The following TFAP4 variants were observed in gnomAD, a reference collection of about 807,000 sequenced individuals.
TFAP4 encodes transcription factor AP-4, also known as activating enhancer-binding protein 4.
TFAP4 carries 7 observed loss-of-function variants against 40.4 expected under a neutral mutation model. The ratio of observed to expected loss-of-function variants is 0.17; its 90% CI spans 0.10 to 0.33. The LOEUF is 0.33. Among genes scored for constraint, TFAP4 ranks in the 10% least tolerant of loss-of-function variants. The pLI is 1.00. For synonymous variants in TFAP4, 218 were observed against 181.4 expected (o/e 1.20, Z -1.62); for missense variants, 374 against 451.1 (o/e 0.83, Z 1.55).
chr16:4,271,092 C>T (rs888918765), intron 1 of TFAP4, among the ~76,000 whole-genome samples: 2 of 152,278 alleles, frequency 1.3e-5, no homozygotes, highest in East Asian at 1.9e-4. Context: ...AGGTGGGCCT[C>T]GTGCAAGGGC....
rs1397848993 is a variant in TFAP4 at position 4,268,498 on chromosome 16, T to C, written c.89+4160A>G. 2.0e-5 allele frequency among the ~76,000 whole-genome samples: 3 copies of C among 152,304 alleles called. No individual in the cohort carries two copies. The East Asian group carries it at 5.8e-4, about 29-fold the overall frequency. The stretch of plus-strand genomic sequence containing the variant: ...CGGCAGAATGTTGTTGCTTCATAAA[T>C]AAATCAGGGACCCAATAAACACTCC... On this transcript the variant is annotated intron_variant, in intron 1 of 6. Transcript: ENST00000204517.
At position 4,259,266 on chromosome 16, in the gene TFAP4, T is replaced by C. The variant is rs552299525; in HGVS notation, c.822+824A>G. 3.9e-5 allele frequency among the ~76,000 whole-genome samples: 6 copies of C among 151,950 alleles called. No homozygotes were observed. The East Asian group carries it at 9.9e-4, about 25-fold the overall frequency. ...CTCCTGCCTCAGCCTCCCGAATAGC[T>C]GGGATTACAGGCGTGCACCACCACG... On this transcript the variant is annotated intron_variant, in intron 6 of 6. Coordinates refer to ENST00000204517, the MANE Select transcript of TFAP4 (RefSeq NM_003223.3).
Position 4,272,722 on chromosome 16 carries a change from G to C in TFAP4, c.25C>G (p.Gln9Glu). ...AAATGTTGCAAAGAGGGCACCTTCT[G>C]AGTGGGCACCATGAAATACTCCATA... MEYFMVPTQKVPSLQHFRK... is the reference protein window; with the variant it reads MEYFMVPTEKVPSLQHFRK... The change falls in exon 1 of 7, where the codon CAG becomes GAG. Residue 9 changes from glutamine to glutamate, a missense_variant. Coordinates refer to ENST00000204517, the MANE Select transcript of TFAP4 (RefSeq NM_003223.3). 3 of 1,613,574 alleles carry C rather than the reference G, an allele frequency of 1.9e-6. No individual in the cohort carries two copies. Among genetic ancestry groups the C allele is most frequent in the Non-Finnish European group, 2.5e-6 (3 of 1,179,628 alleles).
At chr16:4,262,207 G>T in intron 3 of TFAP4, 117 bp downstream of exon 3, 1 of 1,242,842 alleles carries the variant, frequency 8.0e-7, no homozygotes. Context: ...AAAAGTGCCT[G>T]GAAGTACTTG....
At chr16:4,262,452 C>T (rs929881165) in intron 2 of TFAP4, 30 bp from the exon 3 acceptor site, 1 of 1,613,984 alleles carries the variant, frequency 6.2e-7, no homozygotes, top group Non-Finnish European at 8.5e-7. Context: ...GAGAGTCAGG[C>T]TGGCAGTGTT....
chr16:4,265,160 G>A (rs1567201929), intron 1 of TFAP4: 1 of 152,168 alleles, frequency 6.6e-6, no homozygotes, highest in Non-Finnish European at 1.5e-5. Flanking sequence ...AGACTCCCAT[G>A]TAAAGAGGGG....
intron 3 of TFAP4, 37 bp from the exon 4 acceptor site, chr16:4,261,986 C>T: frequency 2.6e-6 from 4 of 1,559,974 alleles, no homozygotes; most frequent in Non-Finnish European, 3.5e-6. Context: ...GTGCCTGACA[C>T]CTCGGTACCA....
intron 1 of TFAP4, 183 bp from the exon 2 acceptor site, chr16:4,262,884 T>C: frequency 3.0e-6 from 2 of 665,426 alleles, no homozygotes; most frequent in Non-Finnish European, 5.1e-6. Context: ...GCGGGTAAGA[T>C]AGTCCGCTCA....
rs755385285 is a variant in TFAP4 at position 4,258,050 on chromosome 16, G to C, written c.*5C>G. ...CCAGAAGGGAGAGGAGGGCTGGGGGGGTAGTCAGGGAAGCTCCCCGTCCCC... is the reference window on the plus strand; with the variant it reads ...CCAGAAGGGAGAGGAGGGCTGGGGGCGTAGTCAGGGAAGCTCCCCGTCCCC... On this transcript the variant is annotated 3_prime_UTR_variant, in exon 7 of 7. Coordinates refer to ENST00000204517, the MANE Select transcript of TFAP4 (RefSeq NM_003223.3). 13 of 1,609,016 alleles carry C rather than the reference G, an allele frequency of 8.1e-6. No homozygotes were observed. The highest frequency in any genetic ancestry group is 1.3e-5 in the African/African-American group (1 of 74,836).
intron 3 of TFAP4, 57 bp from the exon 4 acceptor site, chr16:4,262,006 T>G: frequency 6.6e-7 from 1 of 1,512,938 alleles, no homozygotes; most frequent in African/African-American, 1.4e-5. Flanking sequence ...ACCACGGAGA[T>G]TGGGGTTCCA....
At chr16:4,269,242 C>T (rs939013710) in intron 1 of TFAP4, among the ~76,000 whole-genome samples, 5 of 151,164 alleles carry the variant, frequency 3.3e-5, no homozygotes, top group African/African-American at 1.2e-4. Flanking sequence ...GCCTGTAATC[C>T]CAACACTTTG....
chr16:4,261,797 G>C lies in TFAP4; in HGVS notation c.507C>G (p.Arg169=), dbSNP rs770947593. The part of the protein sequence containing the change: ...RQQLDKERSV[R]MMLEEQVRSL... ...GCCTCACCTGCTCCTCCAGCATCAT[G>C]CGCACCGAGCGCTCCTTGTCCAGCT... The change falls in exon 4 of 7, where the codon CGC becomes CGG. Residue 169 remains arginine, a synonymous_variant. Transcript: ENST00000204517. 6.2e-7 allele frequency: 1 copy of C among 1,609,262 alleles called. No homozygotes were observed. Among genetic ancestry groups the C allele is most frequent in the Non-Finnish European group, 8.5e-7 (1 of 1,178,052 alleles).
chr16:4,272,724 G>A lies in TFAP4; in HGVS notation c.23C>T (p.Thr8Ile). The A allele has an allele frequency of 6.2e-7, 1 of 1,613,570 alleles. No homozygotes were observed. Among genetic ancestry groups the A allele is most frequent in the Non-Finnish European group, 8.5e-7 (1 of 1,179,628 alleles). Reference sequence around the variant, plus strand: ...ATGTTGCAAAGAGGGCACCTTCTGAGTGGGCACCATGAAATACTCCATAGC... The same window carrying A: ...ATGTTGCAAAGAGGGCACCTTCTGAATGGGCACCATGAAATACTCCATAGC... The part of the protein sequence containing the change: MEYFMVP[T>I]QKVPSLQHFR... The change falls in exon 1 of 7, where the codon ACT (threonine) becomes ATT (isoleucine). Residue 8 changes from threonine (T) to isoleucine (I), a missense_variant. Coordinates refer to ENST00000204517, the MANE Select transcript of TFAP4 (RefSeq NM_003223.3).
chr16:4,272,947 CGTGTGTATGTGTGT>C lies in TFAP4; in HGVS notation c.-215_-202del, dbSNP rs1180370003. Reference sequence around the variant, plus strand: ...GGTCTCTCCGGCCTGCCTCCCCGGGCGTGTGTATGTGTGTGTGTGTGTGTGTGTGTGTGTGTGTG... The same window carrying C: ...GGTCTCTCCGGCCTGCCTCCCCGGGCGTGTGTGTGTGTGTGTGTGTGTGTG... On this transcript the variant is annotated 5_prime_UTR_variant, in exon 1 of 7. Coordinates refer to ENST00000204517, the MANE Select transcript of TFAP4 (RefSeq NM_003223.3). 2.2e-6 allele frequency: 1 copy of C among 458,522 alleles called. No homozygotes were observed. Among genetic ancestry groups the C allele is most frequent in the Non-Finnish European group, 3.9e-6 (1 of 253,636 alleles). The allele number at this position is 458,522 out of a possible 1,614,324, so 28.4% of individuals were successfully genotyped here.
At chr16:4,272,138 C>G (rs1031358379) in intron 1 of TFAP4, among the ~76,000 whole-genome samples, 2 of 151,442 alleles carry the variant, frequency 1.3e-5, no homozygotes, top group Admixed American at 6.6e-5. Flanking sequence ...GCTGCAGCCC[C>G]GCTCTGCAAA....
chr16:4,260,170 T>A lies in TFAP4; in HGVS notation c.742A>T (p.Ile248Phe). Residue 248 changes from isoleucine to phenylalanine, a missense_variant, in exon 6 of 7, where the codon ATC becomes TTC. Physicochemically the swap from Ile to Phe is conservative, Grantham distance 21. Transcript: ENST00000204517. ...GAGGGGCCCATGGTGACGACATTGA[T>A]GTGGTGGGAGGGAGGAGGAGGCGGT... ...PAPPPPPSHH[I>F]NVVTMGPSSV... The A allele has an allele frequency of 2.1e-6, 3 of 1,402,772 alleles. No individual in the cohort carries two copies. The highest frequency in any genetic ancestry group is 2.8e-6 in the Non-Finnish European group (3 of 1,059,454). The allele number at this position is 1,402,772 out of a possible 1,614,324, so 86.9% of individuals were successfully genotyped here.
rs1298053896 is a variant in TFAP4, at chr16:4,262,649, T to C, written c.142A>G (p.Ile48Val). The C allele has an allele frequency of 6.2e-7, 1 of 1,611,382 alleles. No individual in the cohort carries two copies. Among genetic ancestry groups the C allele is most frequent in the African/African-American group, 1.3e-5 (1 of 74,954 alleles). The change falls in exon 2 of 7, where the codon ATT becomes GTT. Residue 48 changes from isoleucine to valine, a missense_variant. Physicochemically the swap from Ile to Val is conservative, Grantham distance 29. This residue lies in a region of TFAP4 where 51 missense variants were observed against 59.3 expected (regional missense o/e 0.86). Coordinates refer to ENST00000204517, the MANE Select transcript of TFAP4 (RefSeq NM_003223.3). The part of the protein sequence containing the change: ...PETQRDQERR[I>V]RREIANSNER... ...TTGCTGTTGGCGATCTCCCGCCGAA[T>C]CCGCCGCTCCTGGTCCCGCTGAGTC...
At position 4,261,807 on chromosome 16, in the gene TFAP4, C is replaced by T; in HGVS notation, c.497G>A (p.Arg166His). Residue 166 changes from arginine (R) to histidine (H), a missense_variant, in exon 4 of 7, where the codon CGC (arginine) becomes CAC (histidine). Arg to His is a conservative substitution (Grantham distance 29). Around this residue, in one of 6 missense-constraint regions of TFAP4, gnomAD observed 161 missense variants for 154.2 expected, o/e 1.04. Transcript: ENST00000204517. ...CTCCTCCAGCATCATGCGCACCGAG[C>T]GCTCCTTGTCCAGCTGCTGCCGCAG... ...IELRQQLDKE[R>H]SVRMMLEEQV... is the part of the protein sequence containing the mutation. 1.9e-6 allele frequency: 3 copies of T among 1,611,156 alleles called. No individual in the cohort carries two copies. Among genetic ancestry groups the T allele is most frequent in the Non-Finnish European group, 2.5e-6 (3 of 1,178,844 alleles).
chr16:4,265,103 A>AC (rs2052981134), intron 1 of TFAP4: 1 of 151,910 alleles, frequency 6.6e-6, no homozygotes, highest in Non-Finnish European at 1.5e-5. Context: ...TTTTGGCGAG[A>AC]ATTTTCTCAC....
Sources: allele counts gnomAD v4.1 joint callset (sites outside exome capture counted in the v4.1 genomes callset), GRCh38; gene constraint gnomAD v4.1.1; regional missense constraint gnomAD v4.1.1; transcripts MANE v1.5; gene names NCBI Gene and HGNC (gene_info 2026-07-23, HGNC 2026-07-21).